Variants in IFT172 observed in about 807,000 individuals in gnomAD.
IFT172 encodes the protein intraflagellar transport 172.
IFT172 carries 164 observed loss-of-function variants against 248.9 expected under a neutral mutation model. The ratio of observed to expected loss-of-function variants is 0.66; its 90% CI spans 0.58 to 0.75. The LOEUF is 0.75. IFT172 is among the 30% of genes least tolerant of loss of function. The pLI is 0.00. For missense variants in IFT172, 1,950 were observed against 2,192.4 expected, an observed-to-expected ratio of 0.89 and a Z score of 2.21; for synonymous variants, 729 against 791.6, an observed-to-expected ratio of 0.92 and a Z score of 1.33.
intron 2 of IFT172, 65 bp from the exon 3 acceptor site, chr2:27,485,195 G>A: frequency 6.9e-7 from 1 of 1,439,214 alleles, no homozygotes; most frequent in Non-Finnish European, 9.6e-7. Context: ...AGAGAAAAGA[G>A]AAAAAAAGGC....
chr2:27,470,576 G>GA (rs1340120678), intron 16 of IFT172, among the ~76,000 whole-genome samples: 3 of 151,872 alleles, frequency 2.0e-5, no homozygotes, highest in East Asian at 1.9e-4. Flanking sequence ...TGTAATTTGA[G>GA]AAAAAAAGGC....
At chr2:27,453,209 T>G (rs1665841795) in intron 35 of IFT172, 175 bp downstream of exon 35, 1 of 889,542 alleles carries the variant, frequency 1.1e-6, no homozygotes, top group African/African-American at 1.6e-5. Flanking sequence ...TTATATCCAC[T>G]TTTATAGCCT....
chr2:27,445,509 T>A lies in IFT172; in HGVS notation c.4915-60A>T. ...CAGGGCAGGGCAGGACAAGTTGGGG[T>A]GGATGGGTGAGGAGGGGGTTTGCTA... On this transcript the variant is annotated intron_variant, in intron 45 of 47. Coordinates refer to ENST00000260570, the MANE Select transcript of IFT172 (RefSeq NM_015662.3). The surrounding 1 kb of genome is among the most constrained non-coding windows in gnomAD (Gnocchi z 4.4). The A allele has an allele frequency of 6.5e-7, 1 of 1,550,248 alleles. No homozygotes were observed. The highest frequency in any genetic ancestry group is 8.8e-7 in the Non-Finnish European group (1 of 1,142,582).
intron 18 of IFT172, among the ~76,000 whole-genome samples, 164 bp from the exon 19 acceptor site, chr2:27,463,345 G>C (rs534806253): frequency 7.9e-5 from 12 of 152,270 alleles, no homozygotes; most frequent in African/African-American, 2.9e-4. Flanking sequence ...TGCTCTCAGA[G>C]AACTTCCATT....
intron 19 of IFT172, 67 bp downstream of exon 19, chr2:27,463,030 T>C (rs946672714): frequency 8.4e-6 from 13 of 1,538,518 alleles, no homozygotes; most frequent in South Asian, 5.6e-5. Flanking sequence ...CTAGGAATCA[T>C]GGGGCTGAAT....
chr2:27,489,662 C>T lies in IFT172; in HGVS notation c.-9G>A. 1 of 1,609,752 alleles carries T rather than the reference C, an allele frequency of 6.2e-7. No individual in the cohort carries two copies. The highest frequency in any genetic ancestry group is 8.5e-7 in the Non-Finnish European group (1 of 1,177,170). Reference sequence around the variant, plus strand: ...AGGTGCTTCAAGTGCATGACGCACACCTGTCTTTCAGATGCTCCTAGACAG... The same window carrying T: ...AGGTGCTTCAAGTGCATGACGCACATCTGTCTTTCAGATGCTCCTAGACAG... On this transcript the variant is annotated 5_prime_UTR_variant, in exon 1 of 48. It adds an upstream start codon to the 5' untranslated region. Coordinates refer to ENST00000260570, the MANE Select transcript of IFT172 (RefSeq NM_015662.3).
In IFT172 at chr2:27,447,652, C is replaced by T. The variant is rs868274531; in HGVS notation, c.4540-18G>A. 6.2e-7 allele frequency: 1 copy of T among 1,613,996 alleles called. No homozygotes were observed. The highest frequency in any genetic ancestry group is 1.7e-4 in the Middle Eastern group (1 of 5,978). On this transcript the variant is annotated intron_variant, in intron 41 of 47. Coordinates refer to ENST00000260570, the MANE Select transcript of IFT172 (RefSeq NM_015662.3). Reference sequence around the variant, plus strand: ...TTTTCACACTAGAGGAGGGAGACAGCACAGCCTGGCTCAGGGGTCAGAGGA... The same window carrying T: ...TTTTCACACTAGAGGAGGGAGACAGTACAGCCTGGCTCAGGGGTCAGAGGA...
chr2:27,455,871 T>C (rs557901710), intron 30 of IFT172: 3 of 414,134 alleles, frequency 7.2e-6, no homozygotes, highest in East Asian at 6.3e-5. Flanking sequence ...AGAGATGTAA[T>C]ACATATTTAC....
intron 7 of IFT172, among the ~76,000 whole-genome samples, chr2:27,481,644 G>T (rs1288778049): frequency 1.3e-5 from 2 of 151,288 alleles, no homozygotes; most frequent in Non-Finnish European, 2.9e-5. Flanking sequence ...AGGTTCAAGC[G>T]ATTCTCCTGT....
At chr2:27,473,511 C>T (rs1324493895) in intron 14 of IFT172, among the ~76,000 whole-genome samples, 3 of 150,980 alleles carry the variant, frequency 2.0e-5, no homozygotes, top group Non-Finnish European at 1.5e-5. Flanking sequence ...AGGGTTTCAC[C>T]GTGTTAGCCA....
At chr2:27,451,804 A>G (rs1665702912) in intron 35 of IFT172, among the ~76,000 whole-genome samples, 1 of 151,766 alleles carries the variant, frequency 6.6e-6, no homozygotes, top group African/African-American at 2.4e-5. Context: ...AAACAAAAAA[A>G]CCTCAAAACC....
rs1273345462 is a variant in IFT172, at chr2:27,469,497, G to C, written c.1692+1431C>G. Among the ~76,000 whole-genome samples the C allele has an allele frequency of 2.0e-5, 3 of 152,064 alleles. No homozygotes were observed. The East Asian group carries it at 5.8e-4, about 29-fold the overall frequency. On this transcript the variant is annotated intron_variant, in intron 16 of 47. Coordinates refer to ENST00000260570, the MANE Select transcript of IFT172 (RefSeq NM_015662.3). ...GCATTGCAAGAAAAGGTAAACAAAG[G>C]AACTGGTACCTTGATGGTAAATCTA...
chr2:27,453,764 A>T (rs763510211), intron 33 of IFT172, 25 bp from the exon 34 acceptor site: 1 of 1,601,226 alleles, frequency 6.2e-7, no homozygotes, highest in Non-Finnish European at 8.5e-7. Flanking sequence ...AGGTATCAAG[A>T]GGGCAGAGGC....
At chr2:27,455,753 C>T in intron 30 of IFT172, 1 of 441,222 alleles carries the variant, frequency 2.3e-6, no homozygotes, top group Non-Finnish European at 4.3e-6. Flanking sequence ...AATCTGCTCC[C>T]ATCCTGCCAG....
Position 27,445,745 on chromosome 2 carries a change from C to T in IFT172, c.4914G>A (p.Pro1638=), listed in dbSNP as rs374531022. The change falls in exon 45 of 48, where the codon CCG becomes CCA. Residue 1638 remains proline (P), a splice_region_variant and synonymous_variant. Coordinates refer to ENST00000260570, the MANE Select transcript of IFT172 (RefSeq NM_015662.3). This position sits in a 1 kb window ranked among gnomAD's most constrained non-coding sequence, Gnocchi z 4.4. ...EVPLPAKQHV[P]EAEREEVRDW... ...CGGTTTTCCAACCCTGTGCCCTTAC[C>T]GGTACATGCTGCTTAGCTGGGAGTG... 8 of 1,614,052 alleles carry T rather than the reference C, an allele frequency of 5.0e-6. No individual in the cohort carries two copies. The highest frequency in any genetic ancestry group is 4.0e-5 in the African/African-American group (3 of 74,898).
intron 35 of IFT172, among the ~76,000 whole-genome samples, chr2:27,450,962 T>C (rs1487640438): frequency 6.6e-6 from 1 of 151,814 alleles, no homozygotes; most frequent in Non-Finnish European, 1.5e-5. Context: ...TTTTTTTTTT[T>C]TTTTACTCTT....
rs768710291 is a variant in IFT172, at chr2:27,472,365, A to G, written c.1412-3T>C. 5 of 1,611,714 alleles carry G rather than the reference A, an allele frequency of 3.1e-6. No homozygotes were observed. Among genetic ancestry groups the G allele is most frequent in the South Asian group, 2.2e-5 (2 of 90,974 alleles). ...GTTGTAGCCACCAATCAGATCCACT[A>G]TAGAATAAAGGAGACAGGGTTAAGA... On this transcript the variant is annotated splice_region_variant and splice_polypyrimidine_tract_variant and intron_variant, in intron 14 of 47. Coordinates refer to ENST00000260570, the MANE Select transcript of IFT172 (RefSeq NM_015662.3).
chr2:27,450,022 C>A lies in IFT172; in HGVS notation c.4026G>T (p.Leu1342=). The A allele has an allele frequency of 6.2e-7, 1 of 1,614,056 alleles. No individual in the cohort carries two copies. Among genetic ancestry groups the A allele is most frequent in the South Asian group, 1.1e-5 (1 of 91,078 alleles). ...MEVVLAVGPQ[L]IGIGKHSAAA... ...CTGCACTGTGCTTTCCAATTCCAAT[C>A]AGCTGGGGTCCTACAGCCAGAACGA... is the stretch of plus-strand genomic sequence containing the variant. The change falls in exon 36 of 48, where the codon CTG becomes CTT. Residue 1342 remains leucine (L), a synonymous_variant. Coordinates refer to ENST00000260570, the MANE Select transcript of IFT172 (RefSeq NM_015662.3).
chr2:27,464,624 CTTT>C (rs201342524), intron 18 of IFT172, among the ~76,000 whole-genome samples: 2 of 145,714 alleles, frequency 1.4e-5, no homozygotes, highest in Non-Finnish European at 3.0e-5. Flanking sequence ...TGTTTTTTCA[CTTT>C]TTTTTTTTTT....
Sources: gnomAD v4.1 joint callset for allele counts (sites outside exome capture counted in the v4.1 genomes callset) on GRCh38, gnomAD v4.1.1 for gene constraint, Gnocchi (gnomAD v3.1) non-coding constraint, MANE v1.5 for transcripts, NCBI Gene and HGNC (gene_info 2026-07-23, HGNC 2026-07-21) for gene names.